FRYL: variants seen among roughly 807,000 people sequenced by gnomAD.
The protein encoded by FRYL is protein furry homolog-like.
Under a neutral mutation model 351.2 loss-of-function variants are expected in FRYL, and 150 were observed. The ratio of observed to expected loss-of-function variants is 0.43; its 90% CI spans 0.37 to 0.49. The LOEUF is 0.49. Ranked by LOEUF, FRYL falls within the 20% of genes least tolerant of loss-of-function variation. The probability of loss-of-function intolerance (pLI) is 0.00; values close to 1 mark genes in which losing one functional copy is unlikely to be tolerated. For synonymous variants in FRYL, 1,153 were observed against 1,257.1 expected, an observed-to-expected ratio of 0.92 and a Z score of 1.75; for missense variants, 3,036 against 3,619.3, an observed-to-expected ratio of 0.84 and a Z score of 4.13.
At chr4:48,626,074 C>G (rs1311959051) in intron 4 of FRYL, among the ~76,000 whole-genome samples, 2 of 152,124 alleles carry the variant, frequency 1.3e-5, no homozygotes, top group African/African-American at 4.8e-5. Flanking sequence ...TGGTATCCAG[C>G]AAATCCATTT....
chr4:48,689,440 C>T (rs1765480987), intron 2 of FRYL, among the ~76,000 whole-genome samples: 1 of 152,176 alleles, frequency 6.6e-6, no homozygotes, highest in African/African-American at 2.4e-5. Context: ...TTCCATTCTA[C>T]ATCTAGAGTT....
intron 18 of FRYL, among the ~76,000 whole-genome samples, chr4:48,589,197 T>C (rs576823235): frequency 1.7e-3 from 261 of 152,254 alleles, no homozygotes; most frequent in Non-Finnish European, 3.0e-3. Context: ...TAACATACAG[T>C]TTCCTGAGGA....
At chr4:48,727,773 TG>T (rs1770243863) in intron 1 of FRYL, among the ~76,000 whole-genome samples, 2 of 152,174 alleles carry the variant, frequency 1.3e-5, no homozygotes, top group Admixed American at 6.5e-5. Flanking sequence ...CTAACTAACT[TG>T]GGGGTAGGTT....
chr4:48,618,489 C>T (rs1749994553), intron 7 of FRYL: 2 of 151,310 alleles, frequency 1.3e-5, no homozygotes, highest in Admixed American at 1.3e-4. Context: ...TGACTCTGAC[C>T]TTTAGGCTTC....
In FRYL at chr4:48,567,916, T is replaced by C. The variant is rs1417195192; in HGVS notation, c.2997-496A>G. On this transcript the variant is annotated intron_variant, in intron 27 of 63. Coordinates refer to ENST00000358350, the MANE Select transcript of FRYL (RefSeq NM_015030.2). The surrounding 1 kb of genome is among the most constrained non-coding windows in gnomAD (Gnocchi z 4.2). ...AAATCTAAGAGAATTCTTGTAAGAA[T>C]AGGGTAGAGTACTGGGTTTCAAAAC... Among the ~76,000 whole-genome samples, 23 of 152,206 alleles carry C rather than the reference T, an allele frequency of 1.5e-4. No homozygotes were observed. The highest frequency in any genetic ancestry group is 2.5e-4 in the Non-Finnish European group (17 of 68,030).
chr4:48,664,277 G>A (rs557412274), intron 3 of FRYL, among the ~76,000 whole-genome samples: 2 of 152,272 alleles, frequency 1.3e-5, no homozygotes, highest in African/African-American at 4.8e-5. Context: ...CCACTTGACT[G>A]GTTAGGTGGC....
chr4:48,724,007 A>C (rs1769800419), intron 1 of FRYL, among the ~76,000 whole-genome samples: 1 of 151,264 alleles, frequency 6.6e-6, no homozygotes, highest in Admixed American at 6.6e-5. Context: ...ACACACCTGT[A>C]ATCCCAGCTA....
chr4:48,610,723 A>ATATATTATATACATG (rs1747963340), intron 7 of FRYL, among the ~76,000 whole-genome samples: 1 of 134,304 alleles, frequency 7.4e-6, no homozygotes, highest in Non-Finnish European at 1.6e-5. Flanking sequence ...TTATATACAT[A>ATATATTATATACATG]TATTATATAC....
chr4:48,577,369 T>A (rs1195149229), intron 23 of FRYL, among the ~76,000 whole-genome samples: 3 of 152,198 alleles, frequency 2.0e-5, no homozygotes, highest in Non-Finnish European at 4.4e-5. Flanking sequence ...ACTAGTTTTG[T>A]AATATGTTAA....
At chr4:48,607,358 A>G (rs1578323430) in intron 9 of FRYL, among the ~76,000 whole-genome samples, 1 of 152,202 alleles carries the variant, frequency 6.6e-6, no homozygotes, top group Non-Finnish European at 1.5e-5. Context: ...ACAAAAAAAA[A>G]TTAACAAAAT....
intron 1 of FRYL, among the ~76,000 whole-genome samples, chr4:48,755,810 G>A (rs1010568165): frequency 6.6e-6 from 1 of 151,774 alleles, no homozygotes; most frequent in African/African-American, 2.4e-5. Context: ...ATCACTCAAG[G>A]CAACACAAGG....
Position 48,497,892 on chromosome 4 carries a change from T to G in FRYL, c.*1530A>C, listed in dbSNP as rs554710898. ...TTCAATTAATGCACTTGAGCATACG[T>G]AATTACATTTCTGGCAGGGTCCACA... On this transcript the variant is annotated 3_prime_UTR_variant, in exon 64 of 64. Coordinates refer to ENST00000358350, the MANE Select transcript of FRYL (RefSeq NM_015030.2). 1 of 152,666 alleles carries G rather than the reference T, an allele frequency of 6.6e-6. No individual in the cohort carries two copies. The highest frequency in any genetic ancestry group is 3.4e-3 in the Middle Eastern group (1 of 294). The allele number at this position is 152,666 out of a possible 1,614,324, so 9.5% of individuals were successfully genotyped here. A position where few individuals can be genotyped will look rare whatever the true frequency, so the allele number is the denominator to read the frequency against.
intron 2 of FRYL, among the ~76,000 whole-genome samples, chr4:48,704,645 C>T (rs938564789): frequency 2.6e-5 from 4 of 152,030 alleles, no homozygotes; most frequent in African/African-American, 7.2e-5. Flanking sequence ...AACCCTGTCT[C>T]TACTAAAAAA....
chr4:48,727,782 G>A (rs1485373639), intron 1 of FRYL, among the ~76,000 whole-genome samples: 1 of 152,188 alleles, frequency 6.6e-6, no homozygotes, highest in Non-Finnish European at 1.5e-5. Context: ...TTGGGGGTAG[G>A]TTAATACCTA....
intron 4 of FRYL, among the ~76,000 whole-genome samples, chr4:48,632,105 T>A (rs1306372602): frequency 4.0e-4 from 16 of 39,958 alleles, no homozygotes; most frequent in African/African-American, 7.7e-4. Context: ...TATATATATA[T>A]ATATATATAT....
chr4:48,691,421 G>A (rs187746058), intron 2 of FRYL, among the ~76,000 whole-genome samples: 19 of 151,818 alleles, frequency 1.3e-4, no homozygotes, highest in African/African-American at 3.9e-4. Context: ...ACTACTTTGC[G>A]ATAATATTCC....
At chr4:48,589,694 C>A in intron 18 of FRYL, 51 bp downstream of exon 18, 1 of 1,573,350 alleles carries the variant, frequency 6.4e-7, no homozygotes, top group Non-Finnish European at 8.7e-7. Context: ...ACCATCCACA[C>A]TGTCTTAGGA....
chr4:48,655,542 T>G (rs1758664579), intron 3 of FRYL, among the ~76,000 whole-genome samples: 1 of 151,628 alleles, frequency 6.6e-6, no homozygotes, highest in African/African-American at 2.4e-5. Flanking sequence ...TTTTTCTGAT[T>G]AATTTATCCT....
At chr4:48,519,197 T>G (rs535143479) in intron 55 of FRYL, among the ~76,000 whole-genome samples, 1 of 152,372 alleles carries the variant, frequency 6.6e-6, no homozygotes, top group East Asian at 1.9e-4. Context: ...GTCTGTAGTG[T>G]GGCATATAGG....
Sources: gnomAD v4.1 joint callset for allele counts (sites outside exome capture counted in the v4.1 genomes callset) on GRCh38, gnomAD v4.1.1 for gene constraint, Gnocchi (gnomAD v3.1) non-coding constraint, MANE v1.5 for transcripts, NCBI Gene and HGNC (gene_info 2026-07-23, HGNC 2026-07-21) for gene names.